The following MAST4 variants were observed in gnomAD, a reference collection of about 807,000 sequenced individuals.
The protein encoded by MAST4 is microtubule associated serine/threonine kinase family member 4.
A neutral mutation model predicts 162.7 loss-of-function variants in MAST4; 89 were observed. That is an observed-to-expected ratio of 0.55 (90% confidence interval 0.46 to 0.65). The LOEUF is 0.65. Ranked by LOEUF, MAST4 falls within the 30% of genes least tolerant of loss-of-function variation. The pLI, the probability that MAST4 is intolerant of heterozygous loss-of-function variation, is 0.00. For synonymous variants in MAST4, 1,479 were observed against 1,361.1 expected, an observed-to-expected ratio of 1.09 and a Z score of -1.91; for missense variants, 3,153 against 3,374.0, an observed-to-expected ratio of 0.93 and a Z score of 1.62.
At chr5:66,679,792 A>C (rs1748210398) in intron 1 of MAST4, among the ~76,000 whole-genome samples, 1 of 152,020 alleles carries the variant, frequency 6.6e-6, no homozygotes, top group Non-Finnish European at 1.5e-5. Context: ...CCTTCACAGC[A>C]GGCACTCACC....
intron 2 of MAST4, among the ~76,000 whole-genome samples, chr5:66,784,774 G>A (rs2149667584): frequency 6.6e-6 from 1 of 152,280 alleles, no homozygotes; most frequent in African/African-American, 2.4e-5. Flanking sequence ...TACATTGACT[G>A]CTTTTCCATG....
chr5:66,974,239 A>T (rs1747833254), intron 4 of MAST4, among the ~76,000 whole-genome samples: 1 of 152,182 alleles, frequency 6.6e-6, no homozygotes, highest in South Asian at 2.1e-4. Context: ...CTAGCATGAA[A>T]CCTACAAATT....
chr5:66,840,780 G>C (rs1373007891), intron 3 of MAST4, among the ~76,000 whole-genome samples: 8 of 152,110 alleles, frequency 5.3e-5, no homozygotes, highest in Non-Finnish European at 2.9e-5. Flanking sequence ...ACAAACCTCT[G>C]TGGAGCTGAC....
In MAST4 at chr5:67,017,065, C is replaced by T. The variant is rs76572286; in HGVS notation, c.675-37339C>T. Among the ~76,000 whole-genome samples the T allele has an allele frequency of 8.1e-3, 1,235 of 152,306 alleles. 13 individuals carry two copies. The highest frequency in any genetic ancestry group is 0.028 in the African/African-American group (1,145 of 41,552). ...TTAAGGAGGAGATGACTCGATGGCA[C>T]TCAAATACACCTTTTCCTTTGAGAA... On this transcript the variant is annotated intron_variant, in intron 4 of 28. Coordinates refer to ENST00000403625, the MANE Select transcript of MAST4 (RefSeq NM_001164664.2).
chr5:67,000,757 G>GGC (rs572058120), intron 4 of MAST4, among the ~76,000 whole-genome samples: 1 of 76,276 alleles, frequency 1.3e-5, no homozygotes, highest in East Asian at 3.2e-4. Flanking sequence ...TAAAAAAAAA[G>GGC]GGGGGGGGTG....
intron 4 of MAST4, among the ~76,000 whole-genome samples, chr5:66,973,907 T>G (rs186563912): frequency 6.6e-6 from 1 of 152,322 alleles, no homozygotes; most frequent in Non-Finnish European, 1.5e-5. Context: ...GTCCTAAAAT[T>G]CATCAGTGGG....
intron 19 of MAST4, among the ~76,000 whole-genome samples, chr5:67,140,738 A>C (rs1770279641): frequency 6.6e-6 from 1 of 152,250 alleles, no homozygotes; most frequent in African/African-American, 2.4e-5. Flanking sequence ...ATTTAATTAA[A>C]GGAAACAAGA....
At chr5:66,607,826 A>G (rs930588803) in intron 1 of MAST4, among the ~76,000 whole-genome samples, 3 of 152,226 alleles carry the variant, frequency 2.0e-5, no homozygotes, top group Admixed American at 6.5e-5. Context: ...TCATCACTCT[A>G]TACTTTTTTA....
At chr5:66,800,588 T>C (rs1448502322) in intron 3 of MAST4, among the ~76,000 whole-genome samples, 1 of 151,992 alleles carries the variant, frequency 6.6e-6, no homozygotes, top group Non-Finnish European at 1.5e-5. Context: ...AAATAACTAA[T>C]GGGTACTGGG....
chr5:66,815,057 G>A (rs1416416969), intron 3 of MAST4, among the ~76,000 whole-genome samples: 1 of 152,190 alleles, frequency 6.6e-6, no homozygotes, highest in Non-Finnish European at 1.5e-5. Flanking sequence ...AGTGGAACAT[G>A]TTAGGTATAA....
chr5:66,758,282 C>T (rs373965702), intron 1 of MAST4, among the ~76,000 whole-genome samples: 6 of 151,938 alleles, frequency 3.9e-5, no homozygotes, highest in African/African-American at 1.4e-4. Context: ...AGCAGCTAAG[C>T]CGATGAGGTC....
At chr5:66,927,918 A>C (rs1369619284) in intron 4 of MAST4, among the ~76,000 whole-genome samples, 1 of 152,122 alleles carries the variant, frequency 6.6e-6, no homozygotes, top group African/African-American at 2.4e-5. Flanking sequence ...GTTTGTGGGC[A>C]ATCTTTTGCT....
chr5:66,808,443 C>A (rs1396102523), intron 3 of MAST4, among the ~76,000 whole-genome samples: 1 of 151,734 alleles, frequency 6.6e-6, no homozygotes, highest in Non-Finnish European at 1.5e-5. Flanking sequence ...TTTTTTGGTT[C>A]AGAATACTTT....
At chr5:66,899,852 C>A in intron 3 of MAST4, 99 bp from the exon 4 acceptor site, 2 of 925,060 alleles carry the variant, frequency 2.2e-6, no homozygotes, top group East Asian at 3.0e-5. Flanking sequence ...CCAAATCAAG[C>A]GTAATGAAGG....
intron 19 of MAST4, among the ~76,000 whole-genome samples, chr5:67,141,220 C>T (rs1770372334): frequency 6.6e-6 from 1 of 152,176 alleles, no homozygotes; most frequent in Non-Finnish European, 1.5e-5. Flanking sequence ...TAGCAGAGAT[C>T]TTTTGGCAGG....
Position 67,050,784 on chromosome 5 carries a change from G to T in MAST4, c.675-3620G>T, listed in dbSNP as rs2150540551. ...ATAGTTGTCACTTTCCAAATTCAGA[G>T]AACAAACTGTGCAACTCACCCACAG... On this transcript the variant is annotated intron_variant, in intron 4 of 28. Coordinates refer to ENST00000403625, the MANE Select transcript of MAST4 (RefSeq NM_001164664.2). Among the ~76,000 whole-genome samples, 2 of 152,268 alleles carry T rather than the reference G, an allele frequency of 1.3e-5. 1 individual carries two copies. The highest frequency in any genetic ancestry group is 6.8e-3 in the Middle Eastern group (2 of 294).
rs1162442973 is a variant in MAST4 at position 67,034,858 on chromosome 5, A to C, written c.675-19546A>C. On this transcript the variant is annotated intron_variant, in intron 4 of 28. Transcript: ENST00000403625. ...TAGCACTATAAAAATTGTGTGCTCT[A>C]TGTGGATTTTCTAAAATGATAGTAT... Among the ~76,000 whole-genome samples, 3 of 152,276 alleles carry C rather than the reference A, an allele frequency of 2.0e-5. No individual in the cohort carries two copies. The East Asian group carries it at 5.8e-4, about 29-fold the overall frequency.
chr5:67,026,153 T>A (rs74993240), intron 4 of MAST4, among the ~76,000 whole-genome samples: 1 of 152,304 alleles, frequency 6.6e-6, no homozygotes, highest in Non-Finnish European at 1.5e-5. Context: ...AAGGTCTAAA[T>A]ATACAATGAA....
chr5:66,888,789 T>G (rs1288186024), intron 3 of MAST4, among the ~76,000 whole-genome samples: 4 of 152,210 alleles, frequency 2.6e-5, no homozygotes, highest in Non-Finnish European at 5.9e-5. Flanking sequence ...ACAGTGAGGT[T>G]GGTGTGGAAA....
Sources: gnomAD v4.1 joint callset for allele counts (sites outside exome capture counted in the v4.1 genomes callset) on GRCh38, gnomAD v4.1.1 for gene constraint, MANE v1.5 for transcripts, NCBI Gene and HGNC (gene_info 2026-07-23, HGNC 2026-07-21) for gene names.